SPEN: variants seen among roughly 807,000 people sequenced by gnomAD.
The protein encoded by SPEN is spen family transcriptional repressor, also known as msx2-interacting protein.
Under a neutral mutation model 269.9 loss-of-function variants are expected in SPEN, and 18 were observed. That is an observed-to-expected ratio of 0.07 (90% CI 0.05 to 0.10). The LOEUF (loss-of-function observed/expected upper bound fraction) is 0.10. Among genes scored for constraint, SPEN ranks in the 10% least tolerant of loss-of-function variants. The pLI is 1.00. For synonymous variants in SPEN, 1,726 were observed against 1,765.7 expected (o/e 0.98, Z 0.56); for missense variants, 3,822 against 4,631.2 (o/e 0.83, Z 5.07).
Position 15,855,990 on chromosome 1 carries a change from C to CCTTTTTTTTTTTTTTTTTT in SPEN, c.83+7840_83+7841insCTTTTTTTTTTTTTTTTTT, listed in dbSNP as rs370972899. ...TTATTGTGTGAAAAGGATGCTAGAACTTTTTTTTTTTTTTTTTTTTGAGAC... is the reference window on the plus strand; with the variant it reads ...TTATTGTGTGAAAAGGATGCTAGAACCTTTTTTTTTTTTTTTTTTTTTTTTTTTTTTTTTTTTTTGAGAC... On this transcript the variant is annotated intron_variant, in intron 1 of 14. Transcript: ENST00000375759. Among the ~76,000 whole-genome samples the CCTTTTTTTTTTTTTTTTTT allele has an allele frequency of 3.5e-4, 10 of 28,220 alleles. 5 individuals are homozygous for CCTTTTTTTTTTTTTTTTTT. Among genetic ancestry groups the CCTTTTTTTTTTTTTTTTTT allele is most frequent in the Non-Finnish European group, 4.7e-4 (6 of 12,684 alleles). 18.5% of individuals were successfully genotyped at this position (28,220 alleles called of 152,430 possible).
In SPEN at chr1:15,872,839, A is replaced by G. The variant is rs1294696628; in HGVS notation, c.107A>G (p.Lys36Arg). 2.0e-6 allele frequency: 3 copies of G among 1,508,866 alleles called. No homozygotes were observed. Among genetic ancestry groups the G allele is most frequent in the Non-Finnish European group, 2.7e-6 (3 of 1,120,918 alleles). The allele number at this position is 1,508,866 out of a possible 1,614,324, so 93.5% of individuals were successfully genotyped here. Residue 36 changes from lysine to arginine, a missense_variant, in exon 2 of 15, where the codon AAA becomes AGA. Transcript: ENST00000375759. Reference protein sequence around the residue: ...FKRYGRVESVKILPKRGSEGG... With the variant: ...FKRYGRVESVRILPKRGSEGG... The stretch of plus-strand genomic sequence containing the variant: ...AGATATGGCCGCGTGGAAAGTGTCA[A>G]AATTCTTCCCAAGAGGGGATCTGAA...
intron 10 of SPEN, among the ~76,000 whole-genome samples, chr1:15,926,107 T>TATA (rs1553179224): frequency 6.6e-6 from 1 of 152,062 alleles, no homozygotes; most frequent in African/African-American, 2.4e-5. Flanking sequence ...TATAAGTACA[T>TATA]ATAATAGGCC....
rs1450951360 is a variant in SPEN at position 15,929,825 on chromosome 1, T to C, written c.3585T>C (p.Pro1195=). 1 of 1,614,050 alleles carries C rather than the reference T, an allele frequency of 6.2e-7. No homozygotes were observed. The highest frequency in any genetic ancestry group is 2.2e-5 in the East Asian group (1 of 44,876). ...CCAAGTCTGAGAAGTTTGGCAGTCC[T>C]AAAAAAGATGTAGATGAATATGAAA... The part of the protein sequence containing the change: ...EIAKSEKFGS[P]KKDVDEYERR... The change falls in exon 11 of 15, where the codon CCT becomes CCC. Residue 1195 remains proline, a synonymous_variant. Transcript: ENST00000375759. The surrounding 1 kb of genome is among the most constrained non-coding windows in gnomAD (Gnocchi z 5.8).
In SPEN at chr1:15,870,217, A is replaced by C. The variant is rs58144433; in HGVS notation, c.84-2599A>C. ...CACAGCTGTGGTGATGATGGGATGG[A>C]AAGGTGGAAAAGTAGGCAGTACACA... On this transcript the variant is annotated intron_variant, in intron 1 of 14. Coordinates refer to ENST00000375759, the MANE Select transcript of SPEN (RefSeq NM_015001.3). 7.2e-3 allele frequency among the ~76,000 whole-genome samples: 1,092 copies of C among 152,236 alleles called. 24 individuals carry two copies. The highest frequency in any genetic ancestry group is 0.025 in the African/African-American group (1,035 of 41,532).
At position 15,856,558 on chromosome 1, in the gene SPEN, C is replaced by A. The variant is rs113737304; in HGVS notation, c.83+8408C>A. Among the ~76,000 whole-genome samples the A allele has an allele frequency of 7.2e-3, 1,037 of 143,898 alleles. 22 individuals carry two copies. The highest frequency in any genetic ancestry group is 0.025 in the African/African-American group (982 of 39,702). The allele number at this position is 143,898 out of a possible 152,430, so 94.4% of individuals were successfully genotyped here. A position where few individuals can be genotyped will look rare whatever the true frequency, so the allele number is the denominator to read the frequency against. ...ATTACAGTGGCTGTTAGATCTGCTG[C>A]CAGATACTTTTTTTTTTTTTTTTTT... On this transcript the variant is annotated intron_variant, in intron 1 of 14. Coordinates refer to ENST00000375759, the MANE Select transcript of SPEN (RefSeq NM_015001.3).
At chr1:15,888,443 C>T in intron 3 of SPEN, among the ~76,000 whole-genome samples, 1 of 151,828 alleles carries the variant, frequency 6.6e-6, no homozygotes, top group Non-Finnish European at 1.5e-5. Flanking sequence ...CCTGCCTTAG[C>T]CTCCCTAGTA....
chr1:15,919,990 G>A (rs949081282), intron 8 of SPEN, among the ~76,000 whole-genome samples: 1 of 151,698 alleles, frequency 6.6e-6, no homozygotes, highest in Non-Finnish European at 1.5e-5. Context: ...TGAAGGTAAA[G>A]CTTTGGTTCC....
Position 15,931,431 on chromosome 1 carries a change from C to T in SPEN, c.5191C>T (p.Leu1731=), listed in dbSNP as rs1250701598. 5 of 1,614,082 alleles carry T rather than the reference C, an allele frequency of 3.1e-6. No homozygotes were observed. The highest frequency in any genetic ancestry group is 4.2e-6 in the Non-Finnish European group (5 of 1,180,040). ...TTCATCAGGTGACCAGCCGCCTTAT[C>T]TGGATGCCAAGCCTCCAACTCCCGG... ...EGSSGDQPPY[L]DAKPPTPGAS... The change falls in exon 11 of 15, where the codon CTG becomes TTG. Residue 1731 remains leucine (L), a synonymous_variant. Transcript: ENST00000375759. This position sits in a 1 kb window ranked among gnomAD's most constrained non-coding sequence, Gnocchi z 4.8.
In SPEN at chr1:15,933,538, C is replaced by T. The variant is rs546511966; in HGVS notation, c.7298C>T (p.Pro2433Leu). 1.1e-5 allele frequency: 17 copies of T among 1,613,972 alleles called. No individual in the cohort carries two copies. In the East Asian group the frequency reaches 1.8e-4, roughly 17 times the overall value. ...GCATCTGTGCCCCCAGACCTTCCCC[C>T]ACCTCCCCAGCCAGCACCGGTGGAT... is the stretch of plus-strand genomic sequence containing the variant. ...TKASVPPDLP[P>L]PPQPAPVDEE... Residue 2433 changes from proline to leucine, a missense_variant, in exon 11 of 15, where the codon CCA becomes CTA. Physicochemically the swap from Pro to Leu is moderately conservative, Grantham distance 98. Transcript: ENST00000375759. The surrounding 1 kb of genome is among the most constrained non-coding windows in gnomAD (Gnocchi z 5.7).
chr1:15,909,264 G>A, intron 3 of SPEN, 57 bp from the exon 4 acceptor site: 1 of 1,561,144 alleles, frequency 6.4e-7, no homozygotes, highest in South Asian at 1.2e-5. Context: ...GTTTTCTAAT[G>A]CTGCTCATTT....
intron 2 of SPEN, chr1:15,873,405 C>T: frequency 8.6e-7 from 1 of 1,162,394 alleles, no homozygotes; most frequent in Non-Finnish European, 1.1e-6. Flanking sequence ...AGTTACCTGT[C>T]TTCTAGAATT....
chr1:15,851,901 T>G (rs1167179175), intron 1 of SPEN, among the ~76,000 whole-genome samples: 1 of 152,142 alleles, frequency 6.6e-6, no homozygotes, highest in African/African-American at 2.4e-5. Context: ...GGGAATTGCT[T>G]GAACCTGGGA....
At chr1:15,884,267 C>T (rs964714891) in intron 3 of SPEN, among the ~76,000 whole-genome samples, 5 of 152,130 alleles carry the variant, frequency 3.3e-5, no homozygotes, top group African/African-American at 1.2e-4. Context: ...ACCAAATCTG[C>T]AAATCATGAA....
Position 15,937,300 on chromosome 1 carries a change from G to C in SPEN, c.10164G>C (p.Val3388=). ...CACCAAGCAGCAAGATGCCTCAAGT[G>C]TCCCAGGAGGCAAAGGGGACCCAGA... ...GQPPSSKMPQ[V]SQEAKGTQTG... The change falls in exon 12 of 15, where the codon GTG becomes GTC. Residue 3388 remains valine, a synonymous_variant. Coordinates refer to ENST00000375759, the MANE Select transcript of SPEN (RefSeq NM_015001.3). This position sits in a 1 kb window ranked among gnomAD's most constrained non-coding sequence, Gnocchi z 5.7. The C allele has an allele frequency of 6.2e-7, 1 of 1,613,852 alleles. No homozygotes were observed. The highest frequency in any genetic ancestry group is 8.5e-7 in the Non-Finnish European group (1 of 1,179,996).
At chr1:15,856,248 C>T (rs1385179646) in intron 1 of SPEN, among the ~76,000 whole-genome samples, 1 of 151,822 alleles carries the variant, frequency 6.6e-6, no homozygotes, top group Non-Finnish European at 1.5e-5. Flanking sequence ...CCTCGGCCTC[C>T]CAAAGTGCTG....
At chr1:15,898,817 C>T (rs1443194923) in intron 3 of SPEN, among the ~76,000 whole-genome samples, 1 of 152,148 alleles carries the variant, frequency 6.6e-6, no homozygotes, top group Non-Finnish European at 1.5e-5. Context: ...TCCACCTTGG[C>T]TTCCCAAAGT....
In SPEN at chr1:15,934,362, A is replaced by C; in HGVS notation, c.8122A>C (p.Thr2708Pro). The C allele has an allele frequency of 6.2e-7, 1 of 1,613,586 alleles. No individual in the cohort carries two copies. Among genetic ancestry groups the C allele is most frequent in the East Asian group, 2.2e-5 (1 of 44,888 alleles). Reference sequence around the variant, plus strand: ...TCTTACGGGGCCAGTGAATGTTCTCACCACTCCAGTGAACGCCACGGTGGG... The same window carrying C: ...TCTTACGGGGCCAGTGAATGTTCTCCCCACTCCAGTGAACGCCACGGTGGG... ...NVLTGPVNVL[T>P]TPVNATVGTV... is the part of the protein sequence containing the mutation. The change falls in exon 11 of 15, where the codon ACC becomes CCC. Residue 2708 changes from threonine to proline, a missense_variant. Physicochemically the swap from Thr to Pro is conservative, Grantham distance 38. This residue lies in a region of SPEN where 329 missense variants were observed against 431.2 expected (regional missense o/e 0.76). Transcript: ENST00000375759. The surrounding 1 kb of genome is among the most constrained non-coding windows in gnomAD (Gnocchi z 9.2).
intron 1 of SPEN, among the ~76,000 whole-genome samples, chr1:15,853,100 C>T (rs1232434214): frequency 6.6e-6 from 1 of 152,348 alleles, no homozygotes; most frequent in African/African-American, 2.4e-5. Flanking sequence ...GATCCTCCCA[C>T]CTTGGCCTCC....
intron 3 of SPEN, among the ~76,000 whole-genome samples, chr1:15,908,293 G>A (rs2070979718): frequency 6.6e-6 from 1 of 152,108 alleles, no homozygotes. Flanking sequence ...CAAACTCCTG[G>A]CTTCGAGCGA....
Sources: allele counts gnomAD v4.1 joint callset (sites outside exome capture counted in the v4.1 genomes callset), GRCh38; gene constraint gnomAD v4.1.1; regional missense constraint gnomAD v4.1.1; non-coding constraint Gnocchi (gnomAD v3.1); transcripts MANE v1.5; gene names NCBI Gene and HGNC (gene_info 2026-07-23, HGNC 2026-07-21).